Variants in PAK3 observed in about 807,000 individuals in gnomAD.
PAK3 encodes the protein serine/threonine-protein kinase PAK 3.
PAK3 carries 4 observed loss-of-function variants against 41.0 expected under a neutral mutation model. That is an observed-to-expected ratio of 0.10 (90% CI 0.05 to 0.22). The LOEUF (loss-of-function observed/expected upper bound fraction) is 0.22. Among genes scored for constraint, PAK3 ranks in the 10% least tolerant of loss-of-function variants. The pLI, the probability that PAK3 is intolerant of heterozygous loss-of-function variation, is 1.00. For missense variants in PAK3, 205 were observed against 409.9 expected (o/e 0.50, Z 4.32); for synonymous variants, 146 against 139.6 (o/e 1.05, Z -0.32).
At chrX:111,080,009 G>C (rs1473894052) in intron 1 of PAK3, among the ~76,000 whole-genome samples, 1 of 112,207 alleles carries the variant, frequency 8.9e-6, no homozygotes, top group African/African-American at 3.2e-5. Flanking sequence ...ATGAGGAATT[G>C]CTTCTTATGG....
In PAK3 at chrX:111,085,158, C is replaced by CA. The variant is rs2092871008; in HGVS notation, c.-27-37918dup. Reference sequence around the variant, plus strand: ...AAACAAGATAATTTGATTGTTTAAACACGACAGTTTTTTTTTAAAGTAATA... The same window carrying CA: ...AAACAAGATAATTTGATTGTTTAAACAACGACAGTTTTTTTTTAAAGTAATA... On this transcript the variant is annotated intron_variant, in intron 1 of 14. Transcript: ENST00000425146. Among the ~76,000 whole-genome samples, 3 of 111,949 alleles carry CA rather than the reference C, an allele frequency of 2.7e-5. No individual in the cohort carries two copies. The South Asian group carries it at 1.1e-3, about 42-fold the overall frequency.
chrX:110,996,915 G>A (rs943582635), intron 1 of PAK3, among the ~76,000 whole-genome samples: 2 of 111,918 alleles, frequency 1.8e-5, no homozygotes, highest in South Asian at 3.7e-4. Flanking sequence ...GTGCTAGGGA[G>A]AAAAGTAAAC....
intron 1 of PAK3, among the ~76,000 whole-genome samples, chrX:110,963,612 C>G (rs1418194299): frequency 8.9e-6 from 1 of 112,332 alleles, no homozygotes; most frequent in Non-Finnish European, 1.9e-5. Flanking sequence ...TCTCCCTAAA[C>G]AAATATTCTT....
intron 1 of PAK3, among the ~76,000 whole-genome samples, chrX:111,054,351 A>G (rs2092586148): frequency 8.9e-6 from 1 of 112,649 alleles, no homozygotes; most frequent in Admixed American, 9.4e-5. Context: ...AGAAGGCCAG[A>G]TAAGTATGTG....
intron 1 of PAK3, among the ~76,000 whole-genome samples, chrX:110,957,228 T>C (rs1429224847): frequency 8.9e-6 from 1 of 112,580 alleles, no homozygotes; most frequent in African/African-American, 3.2e-5. Context: ...AGCATTTGCA[T>C]GTATTATCTC....
chrX:111,139,368 C>T (rs753767553), intron 5 of PAK3, among the ~76,000 whole-genome samples: 1 of 111,743 alleles, frequency 8.9e-6, no homozygotes, highest in South Asian at 3.8e-4. Flanking sequence ...AAAAAAAAGA[C>T]TCAATCACCA....
chrX:111,211,869 C>A (rs1320820728), intron 16 of PAK3, among the ~76,000 whole-genome samples: 1 of 109,771 alleles, frequency 9.1e-6, no homozygotes, highest in Non-Finnish European at 1.9e-5. Context: ...CATGATGAGA[C>A]CTGTGATGAG....
intron 1 of PAK3, among the ~76,000 whole-genome samples, chrX:111,074,120 A>G (rs2092766348): frequency 8.9e-6 from 1 of 112,423 alleles, no homozygotes; most frequent in South Asian, 3.7e-4. Context: ...TGATCATTTC[A>G]ATAGATACAG....
At chrX:111,049,869 G>C (rs2148788088) in intron 1 of PAK3, among the ~76,000 whole-genome samples, 1 of 111,430 alleles carries the variant, frequency 9.0e-6, no homozygotes, top group South Asian at 3.8e-4. Context: ...TGACAGGTTT[G>C]GTATAGAACA....
intron 1 of PAK3, among the ~76,000 whole-genome samples, chrX:110,966,440 G>C (rs1237294828): frequency 4.5e-5 from 5 of 110,730 alleles, no homozygotes; most frequent in Non-Finnish European, 5.7e-5. Flanking sequence ...AAAAAAGGAG[G>C]GAGGGAGGGT....
At chrX:111,210,615 T>G (rs762532590) in intron 16 of PAK3, among the ~76,000 whole-genome samples, 51 of 112,147 alleles carry the variant, frequency 4.5e-4, no homozygotes, top group African/African-American at 1.7e-3. Flanking sequence ...TCAGTTAAAT[T>G]TAAACATTTT....
chrX:111,040,412 A>C (rs1602963031), intron 1 of PAK3, among the ~76,000 whole-genome samples: 1 of 112,292 alleles, frequency 8.9e-6, no homozygotes, highest in East Asian at 2.8e-4. Flanking sequence ...GAAACAGACA[A>C]ATATAACTTT....
chrX:111,191,159 C>T (rs1472706471), intron 11 of PAK3, among the ~76,000 whole-genome samples: 1 of 112,007 alleles, frequency 8.9e-6, no homozygotes, highest in East Asian at 2.8e-4. Flanking sequence ...AGTGCAGTGG[C>T]ACAATCACAG....
intron 3 of PAK3, among the ~76,000 whole-genome samples, chrX:111,099,453 A>G (rs905817833): frequency 2.7e-5 from 3 of 110,332 alleles, no homozygotes; most frequent in Non-Finnish European, 5.7e-5. Flanking sequence ...GGACCTTGAA[A>G]ACTGGAAAGA....
chrX:111,172,277 A>T (rs1440071009), intron 10 of PAK3, among the ~76,000 whole-genome samples: 1 of 112,015 alleles, frequency 8.9e-6, no homozygotes, highest in African/African-American at 3.2e-5. Context: ...ATCGGTCTGT[A>T]GTGTTAACTC....
At chrX:111,100,352 T>G (rs1011089750) in intron 3 of PAK3, among the ~76,000 whole-genome samples, 1 of 111,326 alleles carries the variant, frequency 9.0e-6, no homozygotes, top group East Asian at 2.9e-4. Context: ...TCCTTAACAA[T>G]CAGCACAACA....
At chrX:111,028,547 A>G (rs1452851653) in intron 1 of PAK3, among the ~76,000 whole-genome samples, 2 of 111,710 alleles carry the variant, frequency 1.8e-5, no homozygotes, top group African/African-American at 6.5e-5. Context: ...GGGAAAAATA[A>G]TAATTTAACA....
chrX:111,106,318 A>T (rs1358450510), intron 4 of PAK3, among the ~76,000 whole-genome samples: 1 of 112,087 alleles, frequency 8.9e-6, no homozygotes, highest in Non-Finnish European at 1.9e-5. Flanking sequence ...GACATACACA[A>T]TTCACATTGC....
At chrX:110,984,795 A>G (rs1476511354) in intron 1 of PAK3, among the ~76,000 whole-genome samples, 1 of 109,959 alleles carries the variant, frequency 9.1e-6, no homozygotes, top group Admixed American at 9.7e-5. Flanking sequence ...CCAAATCTCA[A>G]CTCCAACCAA....
Sources: gnomAD v4.1 joint callset for allele counts (sites outside exome capture counted in the v4.1 genomes callset) on GRCh38, gnomAD v4.1.1 for gene constraint, MANE v1.5 for transcripts, NCBI Gene and HGNC (gene_info 2026-07-23, HGNC 2026-07-21) for gene names.